The following ROPN1B variants were observed in gnomAD, a reference collection of about 807,000 sequenced individuals.
The protein encoded by ROPN1B is rhophilin associated tail protein 1B.
ROPN1B carries 13 observed loss-of-function variants against 23.7 expected under a neutral mutation model. That is an observed-to-expected ratio of 0.55 (90% confidence interval 0.36 to 0.87). The LOEUF is 0.87. Among genes scored for constraint, ROPN1B ranks in the 40% least tolerant of loss-of-function variants. The pLI is 0.01. For missense variants in ROPN1B, 183 were observed against 249.2 expected, an observed-to-expected ratio of 0.73 and a Z score of 1.79; for synonymous variants, 67 against 100.4, an observed-to-expected ratio of 0.67 and a Z score of 1.99.
chr3:125,972,084 C>T lies in ROPN1B; in HGVS notation c.30C>T (p.Ile10=), dbSNP rs761614386. 1.2e-6 allele frequency: 2 copies of T among 1,614,192 alleles called. No individual in the cohort carries two copies. Among genetic ancestry groups the T allele is most frequent in the South Asian group, 2.2e-5 (2 of 91,084 alleles). MAQTDKPTC[I]PPELPKMLKE... ...CTCAGACAGATAAGCCAACATGCAT[C>T]CCGCCGGAGCTGCCGAAAATGCTGA... The change falls in exon 3 of 7, where the codon ATC becomes ATT. Residue 10 remains isoleucine (I), a synonymous_variant. Transcript: ENST00000514116.
At chr3:125,972,214 G>GGA in intron 3 of ROPN1B, 44 bp downstream of exon 3, 1 of 1,601,362 alleles carries the variant, frequency 6.2e-7, no homozygotes, top group South Asian at 1.1e-5. Flanking sequence ...GGACGGGCGG[G>GGA]GAGAGAGGGT....
chr3:125,976,077 T>C (rs1005474125), intron 4 of ROPN1B, among the ~76,000 whole-genome samples: 7 of 152,200 alleles, frequency 4.6e-5, no homozygotes, highest in Admixed American at 3.9e-4. Context: ...GGTCCAGACA[T>C]TGCTTTTAGC....
intron 1 of ROPN1B, chr3:125,970,175 T>C (rs1464106696): frequency 6.6e-6 from 1 of 151,262 alleles, no homozygotes; most frequent in Non-Finnish European, 1.5e-5. Context: ...TGGAAGGGTA[T>C]GTACAATGGA....
chr3:125,977,968 A>G (rs1405704342), intron 5 of ROPN1B: 1 of 152,280 alleles, frequency 6.6e-6, no homozygotes, highest in Non-Finnish European at 1.5e-5. Flanking sequence ...CATTCAGCAT[A>G]TCTAAACATA....
intron 4 of ROPN1B, among the ~76,000 whole-genome samples, chr3:125,975,915 A>G (rs144934526): frequency 0.027 from 4,140 of 152,296 alleles, 170 homozygotes; most frequent in African/African-American, 0.09. Context: ...AAGCTGGCAG[A>G]ATGTACAGGG....
At chr3:125,976,520 T>A (rs1938421038) in intron 4 of ROPN1B, among the ~76,000 whole-genome samples, 1 of 152,174 alleles carries the variant, frequency 6.6e-6, no homozygotes, top group African/African-American at 2.4e-5. Flanking sequence ...ACATACCCCA[T>A]ATCATTCCTG....
intron 5 of ROPN1B, among the ~76,000 whole-genome samples, chr3:125,980,910 C>G (rs755837574): frequency 6.6e-6 from 1 of 152,108 alleles, no homozygotes; most frequent in Non-Finnish European, 1.5e-5. Flanking sequence ...CCCATGCCTG[C>G]CCTCCCACCT....
intron 1 of ROPN1B, among the ~76,000 whole-genome samples, 180 bp from the exon 2 acceptor site, chr3:125,970,937 A>G (rs1361916389): frequency 6.6e-6 from 1 of 152,152 alleles, no homozygotes; most frequent in Non-Finnish European, 1.5e-5. Flanking sequence ...AGAAGCAGCA[A>G]TGGAGACAGG....
intron 5 of ROPN1B, among the ~76,000 whole-genome samples, chr3:125,978,558 C>T (rs1938504239): frequency 6.6e-6 from 1 of 152,202 alleles, no homozygotes; most frequent in African/African-American, 2.4e-5. Flanking sequence ...GGAAAGAGGA[C>T]CACAGAGCAG....
chr3:125,977,931 C>T (rs1342023044), intron 5 of ROPN1B: 1 of 152,278 alleles, frequency 6.6e-6, no homozygotes, highest in African/African-American at 2.4e-5. Flanking sequence ...CTGCCAAAAA[C>T]AAATGGTATG....
At position 125,972,292 on chromosome 3, in the gene ROPN1B, T is replaced by C. The variant is rs969950594; in HGVS notation, c.116+122T>C. The C allele has an allele frequency of 4.7e-6, 4 of 853,356 alleles. No homozygotes were observed. The African/African-American group carries it at 5.1e-5, about 11-fold the overall frequency. 52.9% of individuals were successfully genotyped at this position (853,356 alleles called of 1,614,324 possible). On this transcript the variant is annotated intron_variant, in intron 3 of 6. Transcript: ENST00000514116. ...CGGGACTAACTGGCATCGTCTTTGT[T>C]TTAGCTCTTGCATTGCTTTGATGCT...
chr3:125,974,288 T>C (rs953105790), intron 3 of ROPN1B, among the ~76,000 whole-genome samples: 11 of 151,648 alleles, frequency 7.3e-5, no homozygotes, highest in African/African-American at 2.4e-4. Context: ...CACTGATCTG[T>C]GTGCAGAGAT....
intron 5 of ROPN1B, among the ~76,000 whole-genome samples, chr3:125,980,146 AT>A (rs1938563510): frequency 6.6e-6 from 1 of 152,220 alleles, no homozygotes; most frequent in Admixed American, 6.5e-5. Flanking sequence ...CCCCAAAAAA[AT>A]ATTGTGCAAG....
intron 5 of ROPN1B, among the ~76,000 whole-genome samples, chr3:125,981,981 G>A (rs1938624319): frequency 6.6e-6 from 1 of 152,056 alleles, no homozygotes; most frequent in Admixed American, 6.5e-5. Flanking sequence ...TTTAGTGAGG[G>A]TATTCAGACT....
chr3:125,975,539 A>C (rs1206416496), intron 3 of ROPN1B, 24 bp from the exon 4 acceptor site: 4 of 1,593,630 alleles, frequency 2.5e-6, no homozygotes, highest in African/African-American at 2.7e-5. Context: ...GGATCCTCCT[A>C]CTCTCTGACT....
chr3:125,971,302 T>C (rs1312117304), intron 2 of ROPN1B, 140 bp downstream of exon 2: 1 of 152,192 alleles, frequency 6.6e-6, no homozygotes, highest in African/African-American at 2.4e-5. Context: ...GTCTGGCCTC[T>C]AGGTGTTTTG....
intron 3 of ROPN1B, among the ~76,000 whole-genome samples, chr3:125,974,498 G>C (rs1172226318): frequency 6.6e-6 from 1 of 152,120 alleles, no homozygotes; most frequent in African/African-American, 2.4e-5. Flanking sequence ...CATACTACCT[G>C]GATCTGGAGG....
chr3:125,974,439 T>C (rs1018845585), intron 3 of ROPN1B, among the ~76,000 whole-genome samples: 1 of 152,230 alleles, frequency 6.6e-6, no homozygotes, highest in African/African-American at 2.4e-5. Context: ...CATCATTGTA[T>C]GGCTTGACCC....
rs1490434022 is a variant in ROPN1B, at chr3:125,972,113, A to G, written c.59A>G (p.Glu20Gly). 1 of 1,614,166 alleles carries G rather than the reference A, an allele frequency of 6.2e-7. No individual in the cohort carries two copies. The highest frequency in any genetic ancestry group is 1.1e-5 in the South Asian group (1 of 91,088). ...CCGGAGCTGCCGAAAATGCTGAAGG[A>G]GTTTGCCAAAGCCGCCATTCGGGCG... ...IPPELPKMLK[E>G]FAKAAIRAQP... The change falls in exon 3 of 7, where the codon GAG becomes GGG. Residue 20 changes from glutamate to glycine, a missense_variant. Transcript: ENST00000514116.
Sources: gnomAD v4.1 joint callset for allele counts (sites outside exome capture counted in the v4.1 genomes callset) on GRCh38, gnomAD v4.1.1 for gene constraint, MANE v1.5 for transcripts, NCBI Gene and HGNC (gene_info 2026-07-23, HGNC 2026-07-21) for gene names.